The following KRT7 variants were observed in gnomAD, a reference collection of about 807,000 sequenced individuals.
KRT7 encodes keratin 7.
In KRT7, 50 loss-of-function variants were observed where a neutral mutation model predicts 42.8. That is an observed-to-expected ratio of 1.17 (90% CI 0.93 to 1.48). The LOEUF is 1.48. KRT7 is among the 40% of genes most tolerant of loss of function. The probability of loss-of-function intolerance (pLI) is 0.00; values close to 1 mark genes in which losing one functional copy is unlikely to be tolerated. For missense variants in KRT7, 588 were observed against 637.6 expected (o/e 0.92, Z 0.84); for synonymous variants, 268 against 266.3 (o/e 1.01, Z -0.06).
At chr12:52,242,032 C>T (rs112242848) in intron 5 of KRT7, 2,656 of 152,412 alleles carry the variant, frequency 0.017, 87 homozygotes, top group African/African-American at 0.06. Context: ...TGCAGTGGTG[C>T]GATCTTGGCT....
At position 52,241,501 on chromosome 12, in the gene KRT7, C is replaced by T. The variant is rs768503442; in HGVS notation, c.723C>T (p.Ser241=). Residue 241 remains serine (S), a synonymous_variant, in exon 5 of 9, where the codon TCC becomes TCT. Transcript: ENST00000331817. ...TELTELQSQI[S]DTSVVLSMDN... ...TGACAGAGCTGCAGTCCCAGATCTC[C>T]GACACATCTGTGGTGCTGTCCATGG... 35 of 1,613,300 alleles carry T rather than the reference C, an allele frequency of 2.2e-5. No individual in the cohort carries two copies. The highest frequency in any genetic ancestry group is 1.7e-4 in the Middle Eastern group (1 of 6,060).
downstream of KRT7, chr12:52,250,591 C>G (rs1942249711): frequency 2.4e-6 from 3 of 1,259,654 alleles, no homozygotes; most frequent in Non-Finnish European, 3.3e-6. Flanking sequence ...GGCCGGGAGC[C>G]CGACACGCAC....
chr12:52,244,469 TG>T, intron 6 of KRT7: 1 of 985,768 alleles, frequency 1.0e-6, no homozygotes, highest in Non-Finnish European at 1.2e-6. Context: ...GCGTTGGCTC[TG>T]GGGGCACCAG....
At chr12:52,252,406 G>A (rs770244696), downstream of KRT7, 6 of 1,614,176 alleles carry the variant, frequency 3.7e-6, no homozygotes, top group South Asian at 2.2e-5. Flanking sequence ...AGCTCGGCCA[G>A]CTTGCAGCGG....
At chr12:52,235,397 C>T (rs1209426275) in intron 2 of KRT7, 31 bp downstream of exon 2, 2 of 1,563,838 alleles carry the variant, frequency 1.3e-6, no homozygotes, top group Middle Eastern at 2.3e-4. Flanking sequence ...TGCGAAGACC[C>T]CTGCCCCGGG....
chr12:52,234,144 C>A (rs1941975200), intron 1 of KRT7, among the ~76,000 whole-genome samples: 1 of 149,854 alleles, frequency 6.7e-6, no homozygotes, highest in South Asian at 2.1e-4. Context: ...GGGGCTCCCG[C>A]CCCTCCCCTC....
intron 4 of KRT7, 63 bp downstream of exon 4, chr12:52,238,838 G>T: frequency 9.6e-7 from 1 of 1,037,044 alleles, no homozygotes; most frequent in South Asian, 1.3e-5. Context: ...GAGCCATCTG[G>T]TCCAGCCCCC....
chr12:52,250,309 G>C (rs1942244191), downstream of KRT7, among the ~76,000 whole-genome samples: 1 of 152,238 alleles, frequency 6.6e-6, no homozygotes, highest in Non-Finnish European at 1.5e-5. Flanking sequence ...GGACTAGCGG[G>C]CGGGGATGCG....
intron 5 of KRT7, among the ~76,000 whole-genome samples, chr12:52,242,558 G>T (rs1942108187): frequency 6.6e-6 from 1 of 152,164 alleles, no homozygotes; most frequent in Admixed American, 6.5e-5. Context: ...GTCATTCATG[G>T]TGCCTGGGTG....
At chr12:52,251,265 C>T (rs1942263556), downstream of KRT7, among the ~76,000 whole-genome samples, 2 of 152,222 alleles carry the variant, frequency 1.3e-5, no homozygotes, top group Admixed American at 1.3e-4. Context: ...CAGGTGTAAG[C>T]CACCACACCC....
downstream of KRT7, among the ~76,000 whole-genome samples, chr12:52,251,194 G>A (rs746866204): frequency 6.6e-6 from 1 of 152,088 alleles, no homozygotes; most frequent in Non-Finnish European, 1.5e-5. Context: ...TGGCCAGGCT[G>A]ATCTCAAACT....
intron 6 of KRT7, among the ~76,000 whole-genome samples, chr12:52,244,786 C>T (rs961927336): frequency 2.6e-5 from 4 of 152,110 alleles, no homozygotes; most frequent in Non-Finnish European, 5.9e-5. Context: ...AGGTCTGGAA[C>T]CAGAGCATCC....
At chr12:52,244,517 CAG>C in intron 6 of KRT7, 1 of 985,820 alleles carries the variant, frequency 1.0e-6, no homozygotes, top group Non-Finnish European at 1.2e-6. Flanking sequence ...GGCCGAGGGG[CAG>C]AGTGTCAGAG....
intron 2 of KRT7, among the ~76,000 whole-genome samples, 197 bp from the exon 3 acceptor site, chr12:52,237,312 G>A (rs1942023925): frequency 6.6e-6 from 1 of 152,096 alleles, no homozygotes; most frequent in South Asian, 2.1e-4. Flanking sequence ...AACCCCCCAT[G>A]CCAAGACTCA....
chr12:52,234,349 T>A (rs1941979046), intron 1 of KRT7, among the ~76,000 whole-genome samples: 1 of 152,204 alleles, frequency 6.6e-6, no homozygotes, highest in Non-Finnish European at 1.5e-5. Flanking sequence ...CAGACTTGAC[T>A]GGTGGGTTTG....
chr12:52,250,559 A>T, downstream of KRT7: 1 of 1,239,000 alleles, frequency 8.1e-7, no homozygotes, highest in Non-Finnish European at 1.1e-6. Context: ...TGCAGGGGGC[A>T]CTGCAGACGC....
At chr12:52,252,548 C>A (rs530144410), downstream of KRT7, 1 of 1,567,314 alleles carries the variant, frequency 6.4e-7, no homozygotes, top group East Asian at 2.3e-5. Context: ...CAGGTAACCA[C>A]TGACCACTGA....
At chr12:52,242,080 G>A (rs1970725) in intron 5 of KRT7, 15,343 of 152,096 alleles carry the variant, frequency 0.1, 1,482 homozygotes, top group East Asian at 0.45. Context: ...TGTGATCCTC[G>A]TGCCTCAGCC....
In KRT7 at chr12:52,238,725, G is replaced by A; in HGVS notation, c.643G>A (p.Val215Met). 1 of 1,614,154 alleles carries A rather than the reference G, an allele frequency of 6.2e-7. No homozygotes were observed. Among genetic ancestry groups the A allele is most frequent in the Non-Finnish European group, 8.5e-7 (1 of 1,179,984 alleles). The change falls in exon 4 of 9, where the codon GTG (valine) becomes ATG (methionine). Residue 215 changes from valine (V) to methionine (M), a missense_variant. Physicochemically the swap from Val to Met is conservative, Grantham distance 21 (BLOSUM62 1). Coordinates refer to ENST00000331817, the MANE Select transcript of KRT7 (RefSeq NM_005556.4). ...GAGCAAGGTGGAGCTGGAGGCCAAG[G>A]TGGATGCCCTGAATGATGAGATCAA... ...YMSKVELEAK[V>M]DALNDEINFL...
Sources: allele counts gnomAD v4.1 joint callset (sites outside exome capture counted in the v4.1 genomes callset), GRCh38; gene constraint gnomAD v4.1.1; transcripts MANE v1.5; gene names NCBI Gene and HGNC (gene_info 2026-07-23, HGNC 2026-07-21).